The following DOCK9 variants were observed in gnomAD, a reference collection of about 807,000 sequenced individuals.
DOCK9 encodes dedicator of cytokinesis protein 9.
In DOCK9, 89 loss-of-function variants were observed where a neutral mutation model predicts 263.3. The observed-to-expected ratio is 0.34, with a 90% CI of 0.28 to 0.40. The LOEUF is 0.40. Ranked by LOEUF, DOCK9 falls within the 10% of genes least tolerant of loss-of-function variation. The pLI is 1.00. For missense variants in DOCK9, 2,140 were observed against 2,603.4 expected (o/e 0.82, Z 3.87); for synonymous variants, 976 against 973.1 (o/e 1.00, Z -0.06).
chr13:99,047,392 GTCTT>G (rs2040484074), intron 1 of DOCK9, among the ~76,000 whole-genome samples: 1 of 151,788 alleles, frequency 6.6e-6, no homozygotes, highest in Non-Finnish European at 1.5e-5. Flanking sequence ...TAAGGAAATT[GTCTT>G]TCTACTTTTA....
At chr13:99,014,857 G>A (rs1367432075) in intron 1 of DOCK9, among the ~76,000 whole-genome samples, 6 of 152,166 alleles carry the variant, frequency 3.9e-5, no homozygotes, top group African/African-American at 1.2e-4. Context: ...ACAGAACACG[G>A]AAGTGTCATG....
chr13:98,960,137 G>A (rs142340820), intron 1 of DOCK9, among the ~76,000 whole-genome samples: 2 of 152,268 alleles, frequency 1.3e-5, no homozygotes, highest in East Asian at 1.9e-4. Flanking sequence ...TAAAGCTATC[G>A]CAACATGCTC....
At chr13:98,845,289 G>A in intron 38 of DOCK9, 6 of 1,336,480 alleles carry the variant, frequency 4.5e-6, no homozygotes, top group Non-Finnish European at 6.0e-6. Flanking sequence ...TGCAAGTGAA[G>A]CAACCTCATA....
At chr13:98,992,252 A>G (rs1879983133) in intron 1 of DOCK9, among the ~76,000 whole-genome samples, 1 of 152,098 alleles carries the variant, frequency 6.6e-6, no homozygotes, top group Admixed American at 6.5e-5. Context: ...AACTCTTATC[A>G]TGTCAGGATC....
intron 38 of DOCK9, among the ~76,000 whole-genome samples, chr13:98,839,097 G>C (rs9554533): frequency 0.18 from 27,098 of 152,192 alleles, 3,304 homozygotes; most frequent in East Asian, 0.43. Context: ...TAGAAATGCT[G>C]TTGTGTGCTT....
intron 2 of DOCK9, among the ~76,000 whole-genome samples, chr13:98,949,263 A>G (rs1419036766): frequency 6.6e-6 from 1 of 152,110 alleles, no homozygotes; most frequent in African/African-American, 2.4e-5. Context: ...TCCAGAGACA[A>G]CTGAGTATTT....
chr13:98,820,084 C>A (rs1385862492), intron 45 of DOCK9, among the ~76,000 whole-genome samples: 1 of 152,200 alleles, frequency 6.6e-6, no homozygotes, highest in African/African-American at 2.4e-5. Flanking sequence ...TTGTCCGCTT[C>A]CTAGGGAAAA....
intron 1 of DOCK9, among the ~76,000 whole-genome samples, chr13:99,028,304 G>C (rs767660): frequency 0.5 from 75,240 of 151,888 alleles, 18,919 homozygotes; most frequent in East Asian, 0.65. Flanking sequence ...AAAGAGTCAG[G>C]AAGGACCACG....
At chr13:99,015,786 G>A in intron 1 of DOCK9, 1 of 1,296,008 alleles carries the variant, frequency 7.7e-7, no homozygotes, top group Non-Finnish European at 9.8e-7. Flanking sequence ...TCAACAGCCT[G>A]ACAAAAAATC....
At chr13:98,914,191 A>C (rs2050517508) in intron 9 of DOCK9, 137 bp downstream of exon 9, 2 of 720,382 alleles carry the variant, frequency 2.8e-6, no homozygotes, top group Non-Finnish European at 4.5e-6. Flanking sequence ...GTCACCTCGT[A>C]ATCAGGTCAG....
At chr13:99,082,042 A>T (rs997180568) in intron 1 of DOCK9, among the ~76,000 whole-genome samples, 3 of 151,826 alleles carry the variant, frequency 2.0e-5, no homozygotes, top group African/African-American at 7.3e-5. Context: ...ACAGGGCAAA[A>T]CCCCATCTCT....
chr13:99,023,014 A>G (rs752476909), intron 1 of DOCK9, among the ~76,000 whole-genome samples: 3 of 152,242 alleles, frequency 2.0e-5, no homozygotes, highest in Non-Finnish European at 2.9e-5. Context: ...ATTTGCTGGT[A>G]GAAATGTAAA....
At chr13:99,070,639 G>T (rs1165173638) in intron 1 of DOCK9, among the ~76,000 whole-genome samples, 1 of 152,186 alleles carries the variant, frequency 6.6e-6, no homozygotes, top group African/African-American at 2.4e-5. Flanking sequence ...TAAGTACAAA[G>T]ATCTATGGGG....
chr13:98,811,803 A>G (rs2140284076), intron 45 of DOCK9, among the ~76,000 whole-genome samples: 1 of 152,330 alleles, frequency 6.6e-6, no homozygotes, highest in African/African-American at 2.4e-5. Flanking sequence ...ATTATGCTTT[A>G]TATGTTATAT....
rs147755811 is a variant in DOCK9 at position 98,881,847 on chromosome 13, T to C, written c.2675+45A>G. 1.5e-4 allele frequency: 215 copies of C among 1,480,510 alleles called. 1 individual carries two copies. In the African/African-American group the frequency reaches 2.3e-3, roughly 16 times the overall value. The allele number at this position is 1,480,510 out of a possible 1,614,324, so 91.7% of individuals were successfully genotyped here. ...GCTATGCATGACTATGCTCCAGATG[T>C]GGACAGACTAGAAGTGAGGAAGAGC... is the stretch of plus-strand genomic sequence containing the variant. On this transcript the variant is annotated intron_variant, in intron 24 of 52. Coordinates refer to ENST00000682017, the MANE Select transcript of DOCK9 (RefSeq NM_001366683.2).
chr13:99,011,097 G>A (rs185474929), intron 1 of DOCK9, among the ~76,000 whole-genome samples: 156 of 152,124 alleles, frequency 1.0e-3, no homozygotes, highest in Non-Finnish European at 1.3e-3. Flanking sequence ...AGGTTTCACC[G>A]TGTTGGTCAA....
At chr13:99,012,107 C>T (rs1884588450) in intron 1 of DOCK9, among the ~76,000 whole-genome samples, 1 of 152,218 alleles carries the variant, frequency 6.6e-6, no homozygotes, top group Non-Finnish European at 1.5e-5. Context: ...TGAGCCACAG[C>T]GCCCAGCCCA....
intron 2 of DOCK9, among the ~76,000 whole-genome samples, chr13:98,939,564 G>A (rs1235469596): frequency 6.6e-6 from 1 of 152,134 alleles, no homozygotes; most frequent in African/African-American, 2.4e-5. Flanking sequence ...CTGAAGGAAG[G>A]GCAAATCTTA....
rs1272972324 is a variant in DOCK9, at chr13:98,880,819, G to A, written c.2746-147C>T. 3 of 1,108,946 alleles carry A rather than the reference G, an allele frequency of 2.7e-6. No individual in the cohort carries two copies. In the East Asian group the frequency reaches 7.9e-5, roughly 29 times the overall value. The allele number at this position is 1,108,946 out of a possible 1,614,324, so 68.7% of individuals were successfully genotyped here. On this transcript the variant is annotated intron_variant, in intron 25 of 52. Coordinates refer to ENST00000682017, the MANE Select transcript of DOCK9 (RefSeq NM_001366683.2). Reference sequence around the variant, plus strand: ...GTGTGGATACAAAGATGGGAAGGGTGAGTGTCATGTGATAAAAAGGAGTCC... The same window carrying A: ...GTGTGGATACAAAGATGGGAAGGGTAAGTGTCATGTGATAAAAAGGAGTCC...
Sources: gnomAD v4.1 joint callset for allele counts (sites outside exome capture counted in the v4.1 genomes callset) on GRCh38, gnomAD v4.1.1 for gene constraint, MANE v1.5 for transcripts, NCBI Gene and HGNC (gene_info 2026-07-23, HGNC 2026-07-21) for gene names.